WIPF2: variants seen among roughly 807,000 people sequenced by gnomAD.
WIPF2 encodes the protein WAS/WASL interacting protein family member 2, also known as WAS/WASL-interacting protein family member 2.
A neutral mutation model predicts 38.8 loss-of-function variants in WIPF2; 23 were observed. The ratio of observed to expected loss-of-function variants is 0.59; its 90% CI spans 0.43 to 0.84. The LOEUF (loss-of-function observed/expected upper bound fraction) is 0.84, where lower values mean the gene tolerates loss of function less well. WIPF2 is among the 40% of genes least tolerant of loss of function. The pLI is 0.00. For missense variants in WIPF2, 574 were observed against 580.5 expected, an observed-to-expected ratio of 0.99 and a Z score of 0.11; for synonymous variants, 210 against 223.2, an observed-to-expected ratio of 0.94 and a Z score of 0.53.
At chr17:40,229,204 C>T (rs1392500169) in intron 1 of WIPF2, among the ~76,000 whole-genome samples, 4 of 151,570 alleles carry the variant, frequency 2.6e-5, no homozygotes, top group African/African-American at 4.9e-5. Context: ...CTCTGCCTCC[C>T]GGGTTCAAGC....
chr17:40,275,045 G>A (rs1408096832), intron 6 of WIPF2, among the ~76,000 whole-genome samples: 1 of 151,224 alleles, frequency 6.6e-6, no homozygotes, highest in Non-Finnish European at 1.5e-5. Context: ...TTTGAGACCA[G>A]CCTGGCTAAC....
intron 1 of WIPF2, among the ~76,000 whole-genome samples, chr17:40,248,873 C>G (rs1006109324): frequency 1.3e-5 from 2 of 152,146 alleles, no homozygotes; most frequent in African/African-American, 2.4e-5. Context: ...AGTAATTAAA[C>G]ATATATTGAA....
chr17:40,245,429 A>G (rs1229230589), intron 1 of WIPF2, among the ~76,000 whole-genome samples: 1 of 148,194 alleles, frequency 6.7e-6, no homozygotes, highest in Non-Finnish European at 1.5e-5. Context: ...TGCAACCTCC[A>G]CCTCCCGGGT....
chr17:40,270,999 A>T (rs953371740), intron 5 of WIPF2, among the ~76,000 whole-genome samples: 4 of 152,124 alleles, frequency 2.6e-5, no homozygotes, highest in Non-Finnish European at 5.9e-5. Context: ...TCTTTGAGAC[A>T]GTCTTGCTGT....
In WIPF2 at chr17:40,273,926, G is replaced by A; in HGVS notation, c.1107G>A (p.Gly369=). 1 of 1,592,074 alleles carries A rather than the reference G, an allele frequency of 6.3e-7. No individual in the cohort carries two copies. The highest frequency in any genetic ancestry group is 8.6e-7 in the Non-Finnish European group (1 of 1,168,824). ...CTCCACCCTCAAGGACGCCAGCTGG[G>A]CCACCCCCTCCTCCTCCACCGCCCC... ...PPPPPSRTPA[G]PPPPPPPPLR... The change falls in exon 6 of 8, where the codon GGG becomes GGA. Residue 369 remains glycine, a synonymous_variant. Transcript: ENST00000323571.
intron 1 of WIPF2, among the ~76,000 whole-genome samples, chr17:40,251,910 C>T (rs140635013): frequency 6.6e-6 from 1 of 152,322 alleles, no homozygotes; most frequent in Non-Finnish European, 1.5e-5. Flanking sequence ...GTAGTCAACA[C>T]TAAAGTCAGT....
intron 1 of WIPF2, among the ~76,000 whole-genome samples, chr17:40,248,834 G>T (rs1172130545): frequency 6.6e-6 from 1 of 152,112 alleles, no homozygotes; most frequent in African/African-American, 2.4e-5. Context: ...CTGTTTCTTT[G>T]TATTGAGAAA....
At chr17:40,228,892 GC>G (rs2030616740) in intron 1 of WIPF2, among the ~76,000 whole-genome samples, 1 of 151,678 alleles carries the variant, frequency 6.6e-6, no homozygotes, top group African/African-American at 2.4e-5. Context: ...ACAGGCATGA[GC>G]CACCACACCT....
rs966382217 is a variant in WIPF2 at position 40,256,333 on chromosome 17, C to T, written c.-69-58C>T. 24 of 1,422,376 alleles carry T rather than the reference C, an allele frequency of 1.7e-5. No individual in the cohort carries two copies. In the Admixed American group the frequency reaches 5.6e-4, roughly 33 times the overall value. The allele number at this position is 1,422,376 out of a possible 1,614,324, so 88.1% of individuals were successfully genotyped here. On this transcript the variant is annotated intron_variant, in intron 1 of 7. Transcript: ENST00000323571. ...TACCATGCCCAGTTCTCTCATTCTC[C>T]TGGGCACTTGTATCTAATGGTAAAG...
chr17:40,238,699 C>T (rs770954808), intron 1 of WIPF2, among the ~76,000 whole-genome samples: 28 of 151,446 alleles, frequency 1.8e-4, no homozygotes, highest in Non-Finnish European at 2.9e-4. Context: ...TGCAAACCTC[C>T]GCCTCCCGGG....
At chr17:40,240,111 G>T (rs2031134368) in intron 1 of WIPF2, among the ~76,000 whole-genome samples, 1 of 151,702 alleles carries the variant, frequency 6.6e-6, no homozygotes, top group African/African-American at 2.4e-5. Context: ...GCCCGGGCTG[G>T]AGTGCAGTGG....
intron 1 of WIPF2, among the ~76,000 whole-genome samples, chr17:40,248,749 A>G (rs543079969): frequency 1.3e-5 from 2 of 152,312 alleles, no homozygotes; most frequent in South Asian, 2.1e-4. Flanking sequence ...TTCTCCTTAG[A>G]TTATCTGGGA....
At chr17:40,256,290 T>TGAA in intron 1 of WIPF2, 101 bp from the exon 2 acceptor site, 1 of 855,268 alleles carries the variant, frequency 1.2e-6, no homozygotes, top group Non-Finnish European at 1.8e-6. Context: ...AAAGATAAGG[T>TGAA]GTTCAGTCTC....
intron 2 of WIPF2, 144 bp from the exon 3 acceptor site, chr17:40,260,391 T>C: frequency 1.1e-6 from 1 of 880,322 alleles, no homozygotes; most frequent in East Asian, 2.7e-5. Context: ...TTCACCATGT[T>C]GGCCAGGATG....
chr17:40,225,343 G>A (rs557439001), intron 1 of WIPF2, among the ~76,000 whole-genome samples: 45 of 150,694 alleles, frequency 3.0e-4, no homozygotes, highest in Non-Finnish European at 5.9e-4. Flanking sequence ...AAAAAAAAAT[G>A]CTGAATAGAC....
At chr17:40,256,739 A>G (rs1027446868) in intron 2 of WIPF2, among the ~76,000 whole-genome samples, 60 of 152,148 alleles carry the variant, frequency 3.9e-4, no homozygotes, top group African/African-American at 1.4e-3. Context: ...ATAGTGTATA[A>G]TCAATGACAT....
In WIPF2 at chr17:40,280,711, C is replaced by T. The variant is rs1041553919; in HGVS notation, c.*2486C>T. The T allele has an allele frequency of 6.6e-6, 1 of 152,454 alleles. No individual in the cohort carries two copies. Among genetic ancestry groups the T allele is most frequent in the Non-Finnish European group, 1.5e-5 (1 of 68,002 alleles). 9.4% of individuals were successfully genotyped at this position (152,454 alleles called of 1,614,324 possible). On this transcript the variant is annotated 3_prime_UTR_variant, in exon 8 of 8. Coordinates refer to ENST00000323571, the MANE Select transcript of WIPF2 (RefSeq NM_133264.5). ...AGCATCAAAATATCACGAGTAAAGC[C>T]AAACCCCAGCTTTTCACTGGGGCTG...
chr17:40,263,596 G>A (rs1258058332), intron 4 of WIPF2, among the ~76,000 whole-genome samples: 3 of 138,224 alleles, frequency 2.2e-5, no homozygotes, highest in Non-Finnish European at 4.6e-5. Context: ...AGGCTGGAGT[G>A]CAGTGGTGCC....
chr17:40,269,986 A>G (rs1484674112), intron 5 of WIPF2, among the ~76,000 whole-genome samples: 2 of 152,126 alleles, frequency 1.3e-5, no homozygotes, highest in Non-Finnish European at 2.9e-5. Context: ...TTGGATTACA[A>G]AAGCCTGTCT....
Sources: gnomAD v4.1 joint callset for allele counts (sites outside exome capture counted in the v4.1 genomes callset) on GRCh38, gnomAD v4.1.1 for gene constraint, MANE v1.5 for transcripts, NCBI Gene and HGNC (gene_info 2026-07-23, HGNC 2026-07-21) for gene names.